ATP2B2: variants seen among roughly 807,000 people sequenced by gnomAD.
ATP2B2 encodes plasma membrane calcium-transporting ATPase 2.
In ATP2B2, 15 loss-of-function variants were observed where a neutral mutation model predicts 120.0. The ratio of observed to expected loss-of-function variants is 0.12; its 90% CI spans 0.08 to 0.19. The LOEUF (loss-of-function observed/expected upper bound fraction) is 0.19, where lower values mean the gene tolerates loss of function less well. Among genes scored for constraint, ATP2B2 ranks in the 10% least tolerant of loss-of-function variants. The pLI, the probability that ATP2B2 is intolerant of heterozygous loss-of-function variation, is 1.00. For synonymous variants in ATP2B2, 694 were observed against 700.3 expected (o/e 0.99, Z 0.14); for missense variants, 1,045 against 1,719.8 (o/e 0.61, Z 6.94).
intron 22 of ATP2B2, chr3:10,332,128 G>T: frequency 8.7e-7 from 1 of 1,147,456 alleles, no homozygotes; most frequent in Non-Finnish European, 1.3e-6. Flanking sequence ...ACCCAAGGTT[G>T]CACTAAATTA....
intron 1 of ATP2B2, among the ~76,000 whole-genome samples, chr3:10,682,374 G>A (rs2071403986): frequency 1.3e-5 from 2 of 152,204 alleles, no homozygotes; most frequent in African/African-American, 4.8e-5. Context: ...TCAGATATTG[G>A]CTGAGACTAT....
In ATP2B2 at chr3:10,402,441, A is replaced by C; in HGVS notation, c.398-93T>G. ...TTACAGCTCAGCTCTGCAAAGTAAC[A>C]AGTGTTAAGAATCAGATGATAATTA... On this transcript the variant is annotated intron_variant, in intron 3 of 22. Coordinates refer to ENST00000360273, the MANE Select transcript of ATP2B2 (RefSeq NM_001001331.4). The surrounding 1 kb of genome is among the most constrained non-coding windows in gnomAD (Gnocchi z 4.9). The C allele has an allele frequency of 6.5e-7, 1 of 1,545,406 alleles. No individual in the cohort carries two copies. Among genetic ancestry groups the C allele is most frequent in the Non-Finnish European group, 8.8e-7 (1 of 1,130,326 alleles).
intron 1 of ATP2B2, among the ~76,000 whole-genome samples, chr3:10,490,677 G>C (rs1441193749): frequency 1.3e-5 from 2 of 152,156 alleles, no homozygotes; most frequent in Non-Finnish European, 2.9e-5. Flanking sequence ...GGGATTACAG[G>C]TGTGAGCCAC....
At chr3:10,593,583 A>C (rs866750701) in intron 2 of ATP2B2, among the ~76,000 whole-genome samples, 1 of 152,222 alleles carries the variant, frequency 6.6e-6, no homozygotes, top group African/African-American at 2.4e-5. Flanking sequence ...TTAAAGACTT[A>C]AATGTTAGAC....
intron 3 of ATP2B2, among the ~76,000 whole-genome samples, chr3:10,532,040 G>A (rs1298122008): frequency 6.7e-6 from 1 of 148,658 alleles, no homozygotes; most frequent in African/African-American, 2.5e-5. Flanking sequence ...TTTCTGATGT[G>A]CCCCTCACCC....
chr3:10,409,501 C>T (rs1575146828), intron 3 of ATP2B2, among the ~76,000 whole-genome samples: 1 of 152,204 alleles, frequency 6.6e-6, no homozygotes, highest in African/African-American at 2.4e-5. Context: ...ATCATGGCAG[C>T]AATTACAGCT....
intron 8 of ATP2B2, among the ~76,000 whole-genome samples, chr3:10,381,857 G>C (rs1287185571): frequency 6.6e-6 from 1 of 152,170 alleles, no homozygotes; most frequent in African/African-American, 2.4e-5. Context: ...TGCATGGATT[G>C]GGAGGATTCC....
intron 2 of ATP2B2, among the ~76,000 whole-genome samples, chr3:10,581,294 CA>C (rs1484711957): frequency 3.3e-5 from 5 of 152,168 alleles, no homozygotes; most frequent in Admixed American, 6.5e-5. Context: ...TAAATGGGGC[CA>C]GAGGAGCCCC....
chr3:10,452,715 G>T (rs2064106599), intron 1 of ATP2B2, among the ~76,000 whole-genome samples: 1 of 152,176 alleles, frequency 6.6e-6, no homozygotes, highest in South Asian at 2.1e-4. Flanking sequence ...CGCTGGAGGG[G>T]TGAGCGCTGG....
chr3:10,678,012 G>C (rs563195748), intron 1 of ATP2B2, among the ~76,000 whole-genome samples: 39 of 152,238 alleles, frequency 2.6e-4, no homozygotes, highest in South Asian at 6.2e-4. Context: ...ATAAAATACT[G>C]TCCAAGGTCA....
Position 10,388,908 on chromosome 3 carries a change from G to A in ATP2B2, c.782-506C>T, listed in dbSNP as rs75521572. On this transcript the variant is annotated intron_variant, in intron 5 of 22. Transcript: ENST00000360273. ...TCTTGTTATTCAGTGTTCTAATAAAGTACACTCATTACTATACCACATATT... is the reference window on the plus strand; with the variant it reads ...TCTTGTTATTCAGTGTTCTAATAAAATACACTCATTACTATACCACATATT... Among the ~76,000 whole-genome samples the A allele has an allele frequency of 4.9e-3, 743 of 152,290 alleles. 11 individuals carry two copies. The highest frequency in any genetic ancestry group is 0.017 in the African/African-American group (707 of 41,562).
At chr3:10,431,298 A>G (rs1046012544) in intron 2 of ATP2B2, among the ~76,000 whole-genome samples, 2 of 152,234 alleles carry the variant, frequency 1.3e-5, no homozygotes, top group Non-Finnish European at 2.9e-5. Flanking sequence ...ACAGCATCGC[A>G]TGCTAGAGTA....
intron 1 of ATP2B2, among the ~76,000 whole-genome samples, chr3:10,455,567 C>G (rs975368314): frequency 1.3e-5 from 2 of 152,194 alleles, no homozygotes; most frequent in East Asian, 1.9e-4. Context: ...TCCTTGAGTC[C>G]CCCCTGCTCC....
At chr3:10,408,527 T>G (rs1439762080) in intron 3 of ATP2B2, among the ~76,000 whole-genome samples, 1 of 152,070 alleles carries the variant, frequency 6.6e-6, no homozygotes, top group Non-Finnish European at 1.5e-5. Flanking sequence ...AGCTGGACTG[T>G]GTGAAGCTGC....
chr3:10,402,094 A>T lies in ATP2B2; in HGVS notation c.652T>A (p.Tyr218Asn), dbSNP rs2124970907. The T allele has an allele frequency of 6.2e-7, 1 of 1,613,684 alleles. No homozygotes were observed. Among genetic ancestry groups the T allele is most frequent in the South Asian group, 1.1e-5 (1 of 91,068 alleles). ...GCTCTGTGGCTGGGACACTTACCAT[A>T]TTTGACCTGGGCTATGTCCCCAACC... is the stretch of plus-strand genomic sequence containing the variant. ...IVVGDIAQVK[Y>N]GDLLPADGLF... The change falls in exon 4 of 23, where the codon TAT becomes AAT. Residue 218 changes from tyrosine (Y) to asparagine (N), a missense_variant. Around this residue, in one of 11 missense-constraint regions of ATP2B2, gnomAD observed 35 missense variants for 29.9 expected, o/e 1.17. Coordinates refer to ENST00000360273, the MANE Select transcript of ATP2B2 (RefSeq NM_001001331.4). The surrounding 1 kb of genome is among the most constrained non-coding windows in gnomAD (Gnocchi z 4.9).
At chr3:10,515,869 A>C (rs1368528933) in intron 3 of ATP2B2, among the ~76,000 whole-genome samples, 1 of 152,212 alleles carries the variant, frequency 6.6e-6, no homozygotes, top group Non-Finnish European at 1.5e-5. Context: ...ATGGTAGCTT[A>C]AAAACTACCT....
intron 2 of ATP2B2, among the ~76,000 whole-genome samples, chr3:10,610,131 ATATAC>A (rs2069191798): frequency 1.7e-5 from 2 of 114,382 alleles, no homozygotes; most frequent in African/African-American, 9.0e-5. Context: ...ATAAATATAT[ATATAC>A]ATGTATATAT....
chr3:10,661,304 A>G (rs1366153723), intron 1 of ATP2B2, among the ~76,000 whole-genome samples: 3 of 152,114 alleles, frequency 2.0e-5, no homozygotes, highest in Non-Finnish European at 2.9e-5. Flanking sequence ...GAGGAAGTCA[A>G]ATTGTCTCTG....
At chr3:10,386,537 T>C in intron 6 of ATP2B2, 25 bp from the exon 7 acceptor site, 3 of 1,614,040 alleles carry the variant, frequency 1.9e-6, no homozygotes, top group Non-Finnish European at 2.5e-6. Flanking sequence ...TTGAGACATG[T>C]TAATGAAGGA....
Sources: gnomAD v4.1 joint callset for allele counts (sites outside exome capture counted in the v4.1 genomes callset) on GRCh38, gnomAD v4.1.1 for gene constraint, gnomAD v4.1.1 regional missense constraint, Gnocchi (gnomAD v3.1) non-coding constraint, MANE v1.5 for transcripts, NCBI Gene and HGNC (gene_info 2026-07-23, HGNC 2026-07-21) for gene names.